THAP9: variants seen among roughly 807,000 people sequenced by gnomAD.
THAP9 encodes DNA transposase THAP9.
Under a neutral mutation model 35.7 loss-of-function variants are expected in THAP9, and 20 were observed. That is an observed-to-expected ratio of 0.56 (90% CI 0.39 to 0.81). The LOEUF (loss-of-function observed/expected upper bound fraction) is 0.81, where lower values mean the gene tolerates loss of function less well. Ranked by LOEUF, THAP9 falls within the 40% of genes least tolerant of loss-of-function variation. The pLI is 0.00. For missense variants in THAP9, 870 were observed against 1,047.4 expected (o/e 0.83, Z 2.34); for synonymous variants, 335 against 373.7 (o/e 0.90, Z 1.19).
At chr4:82,907,663 C>A (rs1254435504) in intron 3 of THAP9, 122 bp from the exon 4 acceptor site, 2 of 750,828 alleles carry the variant, frequency 2.7e-6, no homozygotes, top group Non-Finnish European at 2.1e-6. Flanking sequence ...TAGACTTAAT[C>A]AAAATGCAAC....
intron 1 of THAP9, among the ~76,000 whole-genome samples, chr4:82,902,079 T>TTACAA (rs1720427539): frequency 2.0e-5 from 3 of 151,424 alleles, no homozygotes; most frequent in Admixed American, 2.0e-4. Context: ...GCTAGTTAGA[T>TTACAA]TACAATATTT....
rs371032014 is a variant in THAP9 at position 82,917,559 on chromosome 4, A to G, written c.1347A>G (p.Ala449=). ...GGCAGCACCTCGTGGAGTTAGTAGCACTGGAGGAACAGGAATTATCAAATA... is the reference window on the plus strand; with the variant it reads ...GGCAGCACCTCGTGGAGTTAGTAGCGCTGGAGGAACAGGAATTATCAAATA... The part of the protein sequence containing the change: ...AHWQHLVELV[A]LEEQELSNME... The change falls in exon 5 of 5, where the codon GCA becomes GCG. Residue 449 remains alanine (A), a synonymous_variant. Coordinates refer to ENST00000302236, the MANE Select transcript of THAP9 (RefSeq NM_024672.6). The G allele has an allele frequency of 3.1e-6, 5 of 1,613,936 alleles. No homozygotes were observed. The highest frequency in any genetic ancestry group is 4.2e-6 in the Non-Finnish European group (5 of 1,179,948).
intron 4 of THAP9, chr4:82,910,814 A>C: frequency 2.4e-6 from 1 of 425,446 alleles, no homozygotes; most frequent in Non-Finnish European, 4.8e-6. Context: ...GAGATCAGGT[A>C]AGATGAGGAC....
rs755185508 is a variant in THAP9 at position 82,917,180 on chromosome 4, T to C, written c.968T>C (p.Leu323Ser). 18 of 1,614,012 alleles carry C rather than the reference T, an allele frequency of 1.1e-5. 1 individual carries two copies. The South Asian group carries it at 1.4e-4, about 13-fold the overall frequency. The change falls in exon 5 of 5, where the codon TTG (leucine) becomes TCG (serine). Residue 323 changes from leucine (L) to serine (S), a missense_variant. Transcript: ENST00000302236. ...ACGCCACTTGCTTCAGAAACTGTTT[T>C]GTTAATGGCAGTGGGTATTTTTGGC... Reference protein sequence around the residue: ...DETPLASETVLLMAVGIFGHW... With the variant: ...DETPLASETVSLMAVGIFGHW...
At chr4:82,908,961 G>A (rs1720761672) in intron 4 of THAP9, among the ~76,000 whole-genome samples, 1 of 150,090 alleles carries the variant, frequency 6.7e-6, no homozygotes, top group African/African-American at 2.4e-5. Context: ...CTACAGTGCA[G>A]TGGTGCGAGA....
At chr4:82,914,224 G>T (rs1213433054) in intron 4 of THAP9, among the ~76,000 whole-genome samples, 2 of 152,094 alleles carry the variant, frequency 1.3e-5, no homozygotes, top group Admixed American at 6.5e-5. Context: ...TTTATTCAGT[G>T]TGTCATTGAT....
chr4:82,912,136 T>C (rs1051167863), intron 4 of THAP9, among the ~76,000 whole-genome samples: 2 of 152,226 alleles, frequency 1.3e-5, no homozygotes, highest in Admixed American at 6.5e-5. Context: ...AGCTGTGTTT[T>C]TTACAATTTT....
At chr4:82,906,928 T>C (rs761567561) in intron 3 of THAP9, among the ~76,000 whole-genome samples, 73 of 152,314 alleles carry the variant, frequency 4.8e-4, no homozygotes, top group African/African-American at 1.5e-3. Context: ...TCTGCACTTA[T>C]CACTTTTTGT....
At chr4:82,904,705 T>A in intron 1 of THAP9, 31 bp from the exon 2 acceptor site, 1 of 1,603,590 alleles carries the variant, frequency 6.2e-7, no homozygotes, top group Middle Eastern at 1.7e-4. Flanking sequence ...AATGTTTTCA[T>A]GTTAATGGAA....
At position 82,919,635 on chromosome 4, in the gene THAP9, A is replaced by C. The variant is rs148051973; in HGVS notation, c.*711A>C. The C allele has an allele frequency of 3.7e-4, 56 of 152,354 alleles. 1 individual carries two copies. The highest frequency in any genetic ancestry group is 1.3e-3 in the African/African-American group (55 of 41,578). 9.4% of individuals were successfully genotyped at this position (152,354 alleles called of 1,614,324 possible). On this transcript the variant is annotated 3_prime_UTR_variant, in exon 5 of 5. Transcript: ENST00000302236. ...ATATTACTTTTGAATAATAGGCTGGACACTTAGTTTGACTTGAAAGAGCTC... is the reference window on the plus strand; with the variant it reads ...ATATTACTTTTGAATAATAGGCTGGCCACTTAGTTTGACTTGAAAGAGCTC...
intron 4 of THAP9, among the ~76,000 whole-genome samples, chr4:82,915,377 C>T (rs957257012): frequency 4.6e-5 from 7 of 152,162 alleles, no homozygotes; most frequent in African/African-American, 1.7e-4. Flanking sequence ...CTGCCTCAGC[C>T]TCCTGAGTGG....
chr4:82,910,977 A>G (rs1487000420), intron 4 of THAP9, among the ~76,000 whole-genome samples: 1 of 152,184 alleles, frequency 6.6e-6, no homozygotes, highest in Non-Finnish European at 1.5e-5. Flanking sequence ...GGGCTCTTCC[A>G]TGGAGTTTTG....
At position 82,900,854 on chromosome 4, in the gene THAP9, A is replaced by T. The variant is rs1309567803; in HGVS notation, c.52A>T (p.Ser18Cys). 2.5e-6 allele frequency: 4 copies of T among 1,613,506 alleles called. No individual in the cohort carries two copies. Among genetic ancestry groups the T allele is most frequent in the Non-Finnish European group, 2.5e-6 (3 of 1,180,024 alleles). Residue 18 changes from serine (S) to cysteine (C), a missense_variant, in exon 1 of 5, where the codon AGC becomes TGC. By Grantham distance (112) the Ser-to-Cys change is moderately radical (BLOSUM62 -1). This residue lies in a region of THAP9 where 440 missense variants were observed against 501.2 expected (regional missense o/e 0.88). Transcript: ENST00000302236. ...CTGCAGCACCCGTGACACCGTGCTC[A>T]GCCGGGAGCGCGGCCTCTCCTTCCA... Reference protein sequence around the residue: ...VGCSTRDTVLSRERGLSFHQF... With the variant: ...VGCSTRDTVLCRERGLSFHQF...
chr4:82,915,414 G>C (rs1721005613), intron 4 of THAP9, among the ~76,000 whole-genome samples: 2 of 152,074 alleles, frequency 1.3e-5, no homozygotes, highest in Non-Finnish European at 1.5e-5. Context: ...GCGCCACCAT[G>C]CCCAGCTAAT....
intron 1 of THAP9, among the ~76,000 whole-genome samples, chr4:82,904,134 G>A (rs947771417): frequency 2.7e-5 from 4 of 147,310 alleles, no homozygotes; most frequent in South Asian, 4.3e-4. Context: ...GTGCGATCTC[G>A]GCTCACTGCA....
rs546627933 is a variant in THAP9 at position 82,918,480 on chromosome 4, AAAG to A, written c.2274_2276del (p.Lys758del). On this transcript the variant is annotated inframe_deletion, in exon 5 of 5. Coordinates refer to ENST00000302236, the MANE Select transcript of THAP9 (RefSeq NM_024672.6). ...AAATTGGGTCACTATTATTTGTTAA[AAAG>A]AAGAATGGTTTGCATTTTCCTTCAG... The A allele has an allele frequency of 5.7e-5, 92 of 1,614,190 alleles. 2 individuals are homozygous for A. The South Asian group carries it at 5.8e-4, about 10-fold the overall frequency.
At chr4:82,906,721 G>A (rs979877142) in intron 3 of THAP9, 94 bp downstream of exon 3, 3 of 1,239,728 alleles carry the variant, frequency 2.4e-6, no homozygotes, top group Non-Finnish European at 2.2e-6. Context: ...ATGAAAACAT[G>A]CTTTCAGTTG....
Position 82,917,094 on chromosome 4 carries a change from T to G in THAP9, c.882T>G (p.Pro294=). The change falls in exon 5 of 5, where the codon CCT becomes CCG. Residue 294 remains proline, a synonymous_variant. Coordinates refer to ENST00000302236, the MANE Select transcript of THAP9 (RefSeq NM_024672.6). ...MPLKQQLQWD[P]SSHSLQGFMD... ...TCAAGCAACAGCTTCAGTGGGATCC[T>G]AGCAGTCACAGTTTGCAGGGGTTTA... 6.2e-7 allele frequency: 1 copy of G among 1,613,672 alleles called. No homozygotes were observed. Among genetic ancestry groups the G allele is most frequent in the Non-Finnish European group, 8.5e-7 (1 of 1,179,786 alleles).
chr4:82,917,124 CT>C lies in THAP9; in HGVS notation c.915del (p.Phe305LeufsTer20). ...GTCACAGTTTGCAGGGGTTTATGGACTTTGGTCTTGGAAAACTTGATGCTGA... is the reference window on the plus strand; with the variant it reads ...GTCACAGTTTGCAGGGGTTTATGGACTTGGTCTTGGAAAACTTGATGCTGA... ...SSHSLQGFMDFGLGKLDADET... is the reference protein window; with the variant it reads ...SSHSLQGFMDXGLGKLDADET... On this transcript the variant is annotated frameshift_variant, in exon 5 of 5. Coordinates refer to ENST00000302236, the MANE Select transcript of THAP9 (RefSeq NM_024672.6). LOFTEE classifies it low-confidence loss of function (END_TRUNC). 6.2e-7 allele frequency: 1 copy of C among 1,613,174 alleles called. No homozygotes were observed. Among genetic ancestry groups the C allele is most frequent in the Non-Finnish European group, 8.5e-7 (1 of 1,179,530 alleles).
Sources: allele counts gnomAD v4.1 joint callset (sites outside exome capture counted in the v4.1 genomes callset), GRCh38; gene constraint gnomAD v4.1.1; regional missense constraint gnomAD v4.1.1; transcripts MANE v1.5; gene names NCBI Gene and HGNC (gene_info 2026-07-23, HGNC 2026-07-21).